AFDN: variants seen among roughly 807,000 people sequenced by gnomAD.
AFDN encodes the protein afadin, adherens junction formation factor.
AFDN carries 68 observed loss-of-function variants against 216.6 expected under a neutral mutation model. The observed-to-expected ratio is 0.31, with a 90% confidence interval of 0.26 to 0.38. The LOEUF (loss-of-function observed/expected upper bound fraction) is 0.38, where lower values mean the gene tolerates loss of function less well. Ranked by LOEUF, AFDN falls within the 10% of genes least tolerant of loss-of-function variation. The probability of loss-of-function intolerance (pLI) is 1.00; values close to 1 mark genes in which losing one functional copy is unlikely to be tolerated. For missense variants in AFDN, 2,136 were observed against 2,342.0 expected (o/e 0.91, Z 1.82); for synonymous variants, 868 against 853.7 (o/e 1.02, Z -0.29).
intron 21 of AFDN, among the ~76,000 whole-genome samples, chr6:167,922,596 G>A (rs3814909): frequency 0.13 from 19,190 of 152,178 alleles, 1,462 homozygotes; most frequent in South Asian, 0.22. Context: ...TTTCTTATAG[G>A]AGTAAGAAAA....
At chr6:167,887,921 A>G (rs1193812934) in intron 6 of AFDN, among the ~76,000 whole-genome samples, 1 of 152,232 alleles carries the variant, frequency 6.6e-6, no homozygotes, top group Non-Finnish European at 1.5e-5. Context: ...TAAGAAATAG[A>G]AAACAGGGAG....
chr6:167,933,856 G>C (rs554119532), intron 23 of AFDN, among the ~76,000 whole-genome samples: 1 of 152,298 alleles, frequency 6.6e-6, no homozygotes, highest in African/African-American at 2.4e-5. Flanking sequence ...AATTTGTAGA[G>C]TTTACCTGGA....
intron 23 of AFDN, among the ~76,000 whole-genome samples, chr6:167,925,616 A>G (rs941143023): frequency 6.6e-6 from 1 of 152,190 alleles, no homozygotes; most frequent in African/African-American, 2.4e-5. Context: ...TAGGCCTTAT[A>G]TAGTTCTGAT....
intron 1 of AFDN, among the ~76,000 whole-genome samples, chr6:167,849,762 T>A (rs532319702): frequency 3.3e-5 from 5 of 152,196 alleles, no homozygotes; most frequent in Non-Finnish European, 7.4e-5. Context: ...TAAATGAGAA[T>A]CTACTTCACT....
At chr6:167,934,572 G>T (rs1793745554) in intron 23 of AFDN, among the ~76,000 whole-genome samples, 1 of 152,144 alleles carries the variant, frequency 6.6e-6, no homozygotes, top group Non-Finnish European at 1.5e-5. Flanking sequence ...AATACTTCTG[G>T]GCTCTGAGGT....
intron 31 of AFDN, chr6:167,965,162 T>A: frequency 1.5e-6 from 1 of 645,742 alleles, no homozygotes; most frequent in Non-Finnish European, 1.9e-6. Context: ...TTTTTTTTTC[T>A]TCATTTCTGG....
In AFDN at chr6:167,970,832, A is replaced by C. The variant is rs1797974076; in HGVS notation, c.*897A>C. 2 of 218,976 alleles carry C rather than the reference A, an allele frequency of 9.1e-6. No homozygotes were observed. The highest frequency in any genetic ancestry group is 1.3e-4 in the East Asian group (2 of 14,902). The allele number at this position is 218,976 out of a possible 1,614,324, so 13.6% of individuals were successfully genotyped here. On this transcript the variant is annotated 3_prime_UTR_variant, in exon 34 of 34. Transcript: ENST00000683244. ...AATGACAGAAGAATGGGAGATGAGT[A>C]GGGACCCCTCAAGCACAGCTGTCAC...
chr6:167,951,431 C>T lies in AFDN; in HGVS notation c.4077C>T (p.Thr1359=). The T allele has an allele frequency of 6.2e-7, 1 of 1,614,090 alleles. No individual in the cohort carries two copies. Among genetic ancestry groups the T allele is most frequent in the Non-Finnish European group, 8.5e-7 (1 of 1,180,002 alleles). Residue 1359 remains threonine, a synonymous_variant, in exon 30 of 34, where the codon ACC becomes ACT. Transcript: ENST00000683244. This position sits in a 1 kb window ranked among gnomAD's most constrained non-coding sequence, Gnocchi z 7.1. ...AAACACCAGCAGCCATACCGGCCACCCCTGTGGCCGTCTCCCAGCCAATCC... is the reference window on the plus strand; with the variant it reads ...AAACACCAGCAGCCATACCGGCCACTCCTGTGGCCGTCTCCCAGCCAATCC... ...RWKTPAAIPA[T]PVAVSQPIRT...
At chr6:167,871,653 C>G (rs1784810128) in intron 3 of AFDN, among the ~76,000 whole-genome samples, 1 of 152,186 alleles carries the variant, frequency 6.6e-6, no homozygotes, top group Admixed American at 6.5e-5. Flanking sequence ...TAAGAAGAAG[C>G]AAGCAAATAA....
At chr6:167,924,845 GTATC>G (rs1280102766) in intron 22 of AFDN, 156 bp from the exon 23 acceptor site, 1 of 696,818 alleles carries the variant, frequency 1.4e-6, no homozygotes, top group African/African-American at 1.8e-5. Context: ...TACCTGAAGA[GTATC>G]TATATTAATT....
At chr6:167,917,537 G>A (rs1391737716) in intron 20 of AFDN, among the ~76,000 whole-genome samples, 1 of 152,120 alleles carries the variant, frequency 6.6e-6, no homozygotes, top group Admixed American at 6.5e-5. Flanking sequence ...GAGTGTAGAG[G>A]GTGGGTACCT....
intron 1 of AFDN, among the ~76,000 whole-genome samples, chr6:167,847,040 G>A (rs183628308): frequency 8.7e-4 from 133 of 152,140 alleles, no homozygotes; most frequent in Non-Finnish European, 1.7e-3. Context: ...ATTTTAGAAC[G>A]CTTTTCATTT....
At chr6:167,918,618 G>T (rs1440442504) in intron 20 of AFDN, 117 bp from the exon 21 acceptor site, 5 of 869,974 alleles carry the variant, frequency 5.7e-6, no homozygotes, top group East Asian at 2.6e-5. Context: ...CTGTGTGTGT[G>T]TGTGTGTCTG....
At position 167,913,384 on chromosome 6, in the gene AFDN, CTCG is replaced by C; in HGVS notation, c.2038-16_2038-14del. ...TTTCTCTCGTTCTGCTTGATTTCCC[CTCG>C]TCTGTTTTTCTCCAGGAAGTAGACC... On this transcript the variant is annotated splice_polypyrimidine_tract_variant and intron_variant, in intron 15 of 33. Transcript: ENST00000683244. 6.5e-7 allele frequency: 1 copy of C among 1,535,552 alleles called. No homozygotes were observed. Among genetic ancestry groups the C allele is most frequent in the Admixed American group, 2.0e-5 (1 of 50,964 alleles).
At chr6:167,964,407 C>T in intron 31 of AFDN, 4 of 1,064,828 alleles carry the variant, frequency 3.8e-6, no homozygotes, top group Non-Finnish European at 4.6e-6. Flanking sequence ...ATTTAAAAGC[C>T]ACAAGAAGTC....
intron 30 of AFDN, among the ~76,000 whole-genome samples, chr6:167,960,784 C>T (rs950913964): frequency 2.6e-5 from 4 of 152,172 alleles, no homozygotes; most frequent in South Asian, 2.1e-4. Flanking sequence ...AAGGGCAAGG[C>T]GTCACCGACG....
chr6:167,866,772 G>A (rs909724875), intron 2 of AFDN, among the ~76,000 whole-genome samples: 1 of 152,202 alleles, frequency 6.6e-6, no homozygotes, highest in African/African-American at 2.4e-5. Flanking sequence ...ACGCTGTGCA[G>A]TTTGCTGTGG....
At chr6:167,913,045 G>A (rs1432697400) in intron 15 of AFDN, among the ~76,000 whole-genome samples, 2 of 152,116 alleles carry the variant, frequency 1.3e-5, no homozygotes, top group African/African-American at 4.8e-5. Context: ...TAAGTAAGTA[G>A]TAAGCACACC....
intron 6 of AFDN, among the ~76,000 whole-genome samples, chr6:167,883,105 TAGGCCA>T (rs949479079): frequency 1.6e-4 from 24 of 151,132 alleles, no homozygotes; most frequent in African/African-American, 5.4e-4. Context: ...AATGATGGAG[TAGGCCA>T]AGAAAGAGAG....
Sources: allele counts gnomAD v4.1 joint callset (sites outside exome capture counted in the v4.1 genomes callset), GRCh38; gene constraint gnomAD v4.1.1; non-coding constraint Gnocchi (gnomAD v3.1); transcripts MANE v1.5; gene names NCBI Gene and HGNC (gene_info 2026-07-23, HGNC 2026-07-21).